FERMT1: variants seen among roughly 807,000 people sequenced by gnomAD.
FERMT1 encodes the protein fermitin family homolog 1.
In FERMT1, 60 loss-of-function variants were observed where a neutral mutation model predicts 85.3. That is an observed-to-expected ratio of 0.70 (90% CI 0.57 to 0.87). FERMT1 has a LOEUF of 0.87. FERMT1 is among the 40% of genes least tolerant of loss of function. The pLI is 0.00. For synonymous variants in FERMT1, 275 were observed against 301.1 expected, an observed-to-expected ratio of 0.91 and a Z score of 0.90; for missense variants, 701 against 818.9, an observed-to-expected ratio of 0.86 and a Z score of 1.76.
Position 6,107,631 on chromosome 20 carries a change from C to G in FERMT1, c.750G>C (p.Trp250Cys). The change falls in exon 6 of 15, where the codon TGG (tryptophan) becomes TGC (cysteine). Residue 250 changes from tryptophan to cysteine, a missense_variant. By Grantham distance (215) the Trp-to-Cys change is radical. Coordinates refer to ENST00000217289, the MANE Select transcript of FERMT1 (RefSeq NM_017671.5). ...LVDKAKLNAG[W>C]LDSSRSLMEQ... ...CCATAAGGGAGCGTGAGGAGTCTAG[C>G]CAACTAGAAAATGACAGCATGAGTT... 1 of 1,593,110 alleles carries G rather than the reference C, an allele frequency of 6.3e-7. No individual in the cohort carries two copies. The highest frequency in any genetic ancestry group is 8.6e-7 in the Non-Finnish European group (1 of 1,161,384).
At chr20:6,087,676 G>T in intron 11 of FERMT1, 101 bp downstream of exon 11, 1 of 766,532 alleles carries the variant, frequency 1.3e-6, no homozygotes, top group South Asian at 1.4e-5. Flanking sequence ...AGCAATAGCT[G>T]AGTGACACAA....
Position 6,099,718 on chromosome 20 carries a change from T to A in FERMT1, c.850-2087A>T, listed in dbSNP as rs1278854824. 5.4e-5 allele frequency among the ~76,000 whole-genome samples: 8 copies of A among 148,208 alleles called. No homozygotes were observed. The South Asian group carries it at 1.3e-3, about 24-fold the overall frequency. On this transcript the variant is annotated intron_variant, in intron 6 of 14. Coordinates refer to ENST00000217289, the MANE Select transcript of FERMT1 (RefSeq NM_017671.5). Reference sequence around the variant, plus strand: ...AGCAAGACTCTTGTCTCTATTTTTTTAAAAAAGTGGCTCTTGTCACTAGTC... The same window carrying A: ...AGCAAGACTCTTGTCTCTATTTTTTAAAAAAAGTGGCTCTTGTCACTAGTC...
chr20:6,084,254 C>A (rs1220859669), intron 12 of FERMT1, 90 bp from the exon 13 acceptor site: 4 of 1,400,968 alleles, frequency 2.9e-6, no homozygotes, highest in African/African-American at 1.4e-5. Context: ...AAGAACAATA[C>A]ACTCAAGGTC....
intron 8 of FERMT1, among the ~76,000 whole-genome samples, chr20:6,095,924 C>A (rs1450233223): frequency 6.6e-6 from 1 of 152,178 alleles, no homozygotes; most frequent in African/African-American, 2.4e-5. Context: ...ATGGTGGACC[C>A]ACCTCTCTGA....
chr20:6,112,632 A>G lies in FERMT1; in HGVS notation c.386-9T>C, dbSNP rs755234339. On this transcript the variant is annotated splice_polypyrimidine_tract_variant and intron_variant, in intron 3 of 14. Coordinates refer to ENST00000217289, the MANE Select transcript of FERMT1 (RefSeq NM_017671.5). ...TTCTGATCTTCTAATATCTAGAAAT[A>G]AATATTTTTTAAAAATGAAGAAAAA... The G allele has an allele frequency of 4.0e-6, 6 of 1,513,218 alleles. No homozygotes were observed. The highest frequency in any genetic ancestry group is 5.3e-6 in the Non-Finnish European group (6 of 1,121,862). The allele number at this position is 1,513,218 out of a possible 1,614,324, so 93.7% of individuals were successfully genotyped here. A position where few individuals can be genotyped will look rare whatever the true frequency, so the allele number is the denominator to read the frequency against.
At chr20:6,082,098 C>T (rs1982012975) in intron 13 of FERMT1, among the ~76,000 whole-genome samples, 2 of 152,158 alleles carry the variant, frequency 1.3e-5, no homozygotes, top group African/African-American at 2.4e-5. Context: ...CTCTGACTGA[C>T]CTTGGAAAAA....
chr20:6,111,443 C>A (rs943881583), intron 4 of FERMT1, among the ~76,000 whole-genome samples: 2 of 152,004 alleles, frequency 1.3e-5, no homozygotes, highest in Non-Finnish European at 2.9e-5. Flanking sequence ...ACCAGCCTGG[C>A]CAACATGGCA....
intron 6 of FERMT1, among the ~76,000 whole-genome samples, chr20:6,105,789 A>G (rs1409034201): frequency 1.3e-5 from 2 of 152,194 alleles, no homozygotes; most frequent in Non-Finnish European, 2.9e-5. Context: ...TAAACACACA[A>G]ACAAACAACA....
At chr20:6,088,262 T>C (rs1047649433) in intron 10 of FERMT1, among the ~76,000 whole-genome samples, 1 of 152,208 alleles carries the variant, frequency 6.6e-6, no homozygotes, top group Non-Finnish European at 1.5e-5. Flanking sequence ...ATATTTCAAT[T>C]AATAGATGGT....
Position 6,087,839 on chromosome 20 carries a change from C to G in FERMT1, c.1309G>C (p.Gly437Arg). ...PDVNVAGRKF[G>R]IKLLIPVADG... ...GCAACAGGGATTAGTAACTTGATTC[C>G]AAATTTTCTTCCTGCTACATTTACA... The change falls in exon 11 of 15, where the codon GGA becomes CGA. Residue 437 changes from glycine (G) to arginine (R), a missense_variant. Gly to Arg is a moderately radical substitution (Grantham distance 125). Transcript: ENST00000217289. 1 of 1,612,660 alleles carries G rather than the reference C, an allele frequency of 6.2e-7. No individual in the cohort carries two copies. The highest frequency in any genetic ancestry group is 8.5e-7 in the Non-Finnish European group (1 of 1,178,788).
rs1322620463 is a variant in FERMT1 at position 6,119,391 on chromosome 20, A to G, written c.151+13T>C. The G allele has an allele frequency of 2.5e-6, 4 of 1,613,806 alleles. No individual in the cohort carries two copies. Among genetic ancestry groups the G allele is most frequent in the Admixed American group, 1.7e-5 (1 of 60,028 alleles). On this transcript the variant is annotated intron_variant, in intron 2 of 14. Transcript: ENST00000217289. ...TTCTAATACAGAGAAACCGTAAAGC[A>G]AGAGTAACTTACTGATCTGTTCTAC...
At chr20:6,108,086 G>C (rs1014386171) in intron 5 of FERMT1, among the ~76,000 whole-genome samples, 4 of 152,156 alleles carry the variant, frequency 2.6e-5, no homozygotes, top group South Asian at 2.1e-4. Context: ...GGCTAGTCTT[G>C]AACCCCTGAC....
intron 10 of FERMT1, among the ~76,000 whole-genome samples, chr20:6,088,556 T>G (rs1982251682): frequency 6.6e-6 from 1 of 151,996 alleles, no homozygotes; most frequent in Non-Finnish European, 1.5e-5. Context: ...ACACTGGTTC[T>G]GGTGGTTCCT....
At chr20:6,117,277 CT>C (rs969537153) in intron 2 of FERMT1, among the ~76,000 whole-genome samples, 3 of 150,934 alleles carry the variant, frequency 2.0e-5, no homozygotes, top group East Asian at 1.9e-4. Flanking sequence ...ATTAGAAACT[CT>C]TTTTTTTTGA....
Position 6,077,157 on chromosome 20 carries a change from A to T in FERMT1, c.*16T>A. Reference sequence around the variant, plus strand: ...TGGCTTGCCTTGTTGGTGTGAGCCGAGCACGCGTGCTTGTTTCAATCCTGA... The same window carrying T: ...TGGCTTGCCTTGTTGGTGTGAGCCGTGCACGCGTGCTTGTTTCAATCCTGA... On this transcript the variant is annotated 3_prime_UTR_variant, in exon 15 of 15. Coordinates refer to ENST00000217289, the MANE Select transcript of FERMT1 (RefSeq NM_017671.5). The T allele has an allele frequency of 6.2e-7, 1 of 1,612,986 alleles. No homozygotes were observed. Among genetic ancestry groups the T allele is most frequent in the Non-Finnish European group, 8.5e-7 (1 of 1,179,970 alleles).
In FERMT1 at chr20:6,075,192, A is replaced by G. The variant is rs1981782003; in HGVS notation, c.*1981T>C. 6.6e-6 allele frequency: 1 copy of G among 152,308 alleles called. No homozygotes were observed. Among genetic ancestry groups the G allele is most frequent in the Non-Finnish European group, 1.5e-5 (1 of 68,034 alleles). The allele number at this position is 152,308 out of a possible 1,614,324, so 9.4% of individuals were successfully genotyped here. A position where few individuals can be genotyped will look rare whatever the true frequency, so the allele number is the denominator to read the frequency against. On this transcript the variant is annotated 3_prime_UTR_variant, in exon 15 of 15. Transcript: ENST00000217289. ...CTTTGTTTTCATGGAAATGTCAGAC[A>G]ACTATGAAAAGCTAAGGAAGCATGT...
intron 8 of FERMT1, among the ~76,000 whole-genome samples, 187 bp downstream of exon 8, chr20:6,096,715 A>G (rs1025085678): frequency 1.3e-5 from 2 of 151,496 alleles, no homozygotes; most frequent in South Asian, 4.2e-4. Context: ...ATGAAAATAT[A>G]GTCCCTTGTG....
chr20:6,097,137 A>AGTC, intron 7 of FERMT1, 104 bp from the exon 8 acceptor site: 4 of 1,115,768 alleles, frequency 3.6e-6, no homozygotes, highest in Non-Finnish European at 5.4e-6. Context: ...CCCTTGGAAT[A>AGTC]CTGAACATCT....
chr20:6,084,988 C>T (rs1982121035), intron 12 of FERMT1, 78 bp downstream of exon 12: 1 of 1,413,840 alleles, frequency 7.1e-7, no homozygotes, highest in African/African-American at 1.4e-5. Flanking sequence ...CCACCATGCC[C>T]AGCCGGAAAT....
Sources: allele counts gnomAD v4.1 joint callset (sites outside exome capture counted in the v4.1 genomes callset), GRCh38; gene constraint gnomAD v4.1.1; transcripts MANE v1.5; gene names NCBI Gene and HGNC (gene_info 2026-07-23, HGNC 2026-07-21).